Variants in CCDC73 observed in about 807,000 individuals in gnomAD.
CCDC73 encodes coiled-coil domain containing 73, also known as coiled-coil domain-containing protein 73.
In CCDC73, 95 loss-of-function variants were observed where a neutral mutation model predicts 116.5. The ratio of observed to expected loss-of-function variants is 0.82; its 90% CI spans 0.69 to 0.97. The LOEUF is 0.97. Ranked by LOEUF, CCDC73 falls within the 50% of genes least tolerant of loss-of-function variation. CCDC73 has a pLI of 0.00. For synonymous variants in CCDC73, 398 were observed against 401.3 expected (o/e 0.99, Z 0.10); for missense variants, 1,066 against 1,206.8 (o/e 0.88, Z 1.73).
In CCDC73 at chr11:32,731,988, C is replaced by T. The variant is rs186255314; in HGVS notation, c.136-13841G>A. ...CTTCTCCGAGCTAAAGGAGCATGTT[C>T]GAACCCATCGCAAAGAAGCTAAAAA... On this transcript the variant is annotated intron_variant, in intron 2 of 17. Transcript: ENST00000335185. 3.6e-3 allele frequency among the ~76,000 whole-genome samples: 542 copies of T among 152,238 alleles called. 6 individuals are homozygous for T. The highest frequency in any genetic ancestry group is 0.013 in the African/African-American group (523 of 41,536).
chr11:32,719,672 A>G (rs1327384777), intron 2 of CCDC73, among the ~76,000 whole-genome samples: 2 of 152,224 alleles, frequency 1.3e-5, no homozygotes, highest in Non-Finnish European at 2.9e-5. Flanking sequence ...GATGTACTAC[A>G]TAAAACTTTT....
chr11:32,783,101 A>G (rs979199017), intron 1 of CCDC73, among the ~76,000 whole-genome samples: 5 of 152,084 alleles, frequency 3.3e-5, no homozygotes, highest in African/African-American at 1.2e-4. Flanking sequence ...GCACCAAGAC[A>G]CATCATTGGT....
chr11:32,789,557 G>T (rs1443044360), intron 1 of CCDC73, among the ~76,000 whole-genome samples: 1 of 152,072 alleles, frequency 6.6e-6, no homozygotes, highest in Non-Finnish European at 1.5e-5. Flanking sequence ...GATCGCTTGA[G>T]GCCAAGAGTT....
At chr11:32,797,009 CAAAAAAAAAAAAA>C (rs1163144111), upstream of CCDC73, among the ~76,000 whole-genome samples, 2 of 74,620 alleles carry the variant, frequency 2.7e-5, no homozygotes, top group South Asian at 5.2e-4. Context: ...GAGACTGCCT[CAAAAAAAAAAAAA>C]AAAAAAAAAA....
At chr11:32,757,426 A>G (rs533592057) in intron 2 of CCDC73, among the ~76,000 whole-genome samples, 1 of 152,298 alleles carries the variant, frequency 6.6e-6, no homozygotes, top group Admixed American at 6.5e-5. Flanking sequence ...CAAAAATAAG[A>G]CCAATGACAG....
chr11:32,604,329 C>T (rs2133208919), intron 17 of CCDC73: 1 of 152,266 alleles, frequency 6.6e-6, no homozygotes, highest in South Asian at 2.1e-4. Context: ...GCTGGTCTCT[C>T]TTAACTCTTG....
intron 2 of CCDC73, among the ~76,000 whole-genome samples, chr11:32,739,695 G>A (rs1850166674): frequency 6.6e-6 from 1 of 151,814 alleles, no homozygotes; most frequent in Admixed American, 6.6e-5. Context: ...ATTTATTCTT[G>A]TCTGATTGCT....
chr11:32,682,801 GTTTT>G (rs1351623042), intron 7 of CCDC73: 1 of 151,944 alleles, frequency 6.6e-6, no homozygotes, highest in Admixed American at 6.6e-5. Flanking sequence ...AAAAACATTA[GTTTT>G]TAACAGACTA....
chr11:32,828,522 A>G, the CCDC73 span, among the ~76,000 whole-genome samples: 6 of 151,946 alleles, frequency 3.9e-5, no homozygotes, highest in Non-Finnish European at 7.4e-5. Context: ...GAAAAAAAAA[A>G]AAAAAATGAA....
intron 7 of CCDC73, among the ~76,000 whole-genome samples, chr11:32,679,122 G>A (rs1351930876): frequency 1.3e-5 from 2 of 151,880 alleles, no homozygotes; most frequent in South Asian, 2.1e-4. Context: ...ATTTAATTGT[G>A]CAGCAGTTAT....
chr11:32,720,825 G>C (rs1373616029), intron 2 of CCDC73, among the ~76,000 whole-genome samples: 1 of 152,088 alleles, frequency 6.6e-6, no homozygotes, highest in Admixed American at 6.6e-5. Flanking sequence ...GAATTTGCCT[G>C]GGAAGAGGCA....
chr11:32,777,024 A>ATATATAT (rs1850543272), intron 1 of CCDC73, among the ~76,000 whole-genome samples: 1 of 111,490 alleles, frequency 9.0e-6, no homozygotes, highest in African/African-American at 3.4e-5. Context: ...TATATATATA[A>ATATATAT]TTGAACTTAA....
At chr11:32,626,234 A>G (rs1323078840) in intron 14 of CCDC73, among the ~76,000 whole-genome samples, 1 of 152,060 alleles carries the variant, frequency 6.6e-6, no homozygotes, top group Admixed American at 6.6e-5. Context: ...CAATTGCTTC[A>G]AAGAGAATAA....
chr11:32,747,441 C>A (rs554192502), intron 2 of CCDC73, among the ~76,000 whole-genome samples: 2 of 152,146 alleles, frequency 1.3e-5, no homozygotes, highest in African/African-American at 4.8e-5. Flanking sequence ...ACCATGCTGG[C>A]GGAACCAATG....
rs116881370 is a variant in CCDC73, at chr11:32,622,653, C to G, written c.1186-6524G>C. ...AAACCTGCACATTCTCCACATGTATCATGGAACTTAAATAAAATTGAAAAA... is the reference window on the plus strand; with the variant it reads ...AAACCTGCACATTCTCCACATGTATGATGGAACTTAAATAAAATTGAAAAA... On this transcript the variant is annotated intron_variant, in intron 14 of 17. Transcript: ENST00000335185. 4.0e-4 allele frequency among the ~76,000 whole-genome samples: 47 copies of G among 116,880 alleles called. 1 individual carries two copies. In the East Asian group the frequency reaches 0.012, roughly 30 times the overall value. 76.7% of individuals were successfully genotyped at this position (116,880 alleles called of 152,430 possible). A position where few individuals can be genotyped will look rare whatever the true frequency, so the allele number is the denominator to read the frequency against.
chr11:32,766,516 T>C (rs1398985048), intron 1 of CCDC73, among the ~76,000 whole-genome samples: 1 of 152,136 alleles, frequency 6.6e-6, no homozygotes, highest in East Asian at 1.9e-4. Flanking sequence ...GGAAGTCAAA[T>C]TGTCCCTGTT....
intron 14 of CCDC73, among the ~76,000 whole-genome samples, chr11:32,630,517 C>T (rs511667): frequency 0.44 from 66,978 of 151,870 alleles, 15,270 homozygotes; most frequent in African/African-American, 0.52. Flanking sequence ...CTAAGTTTTG[C>T]ATTTTGGTAG....
At chr11:32,683,384 T>G in intron 7 of CCDC73, 152 bp downstream of exon 7, 1 of 649,758 alleles carries the variant, frequency 1.5e-6, no homozygotes, top group East Asian at 2.8e-5. Flanking sequence ...CATGTGAAAT[T>G]GCAAATATCC....
intron 2 of CCDC73, among the ~76,000 whole-genome samples, chr11:32,735,785 C>T (rs1850123949): frequency 6.6e-6 from 1 of 152,234 alleles, no homozygotes; most frequent in South Asian, 2.1e-4. Flanking sequence ...GGAACCAAAA[C>T]AGCATGGTAC....
Sources: gnomAD v4.1 joint callset for allele counts (sites outside exome capture counted in the v4.1 genomes callset) on GRCh38, gnomAD v4.1.1 for gene constraint, MANE v1.5 for transcripts, NCBI Gene and HGNC (gene_info 2026-07-23, HGNC 2026-07-21) for gene names.